Variants in EVL observed in about 807,000 individuals in gnomAD.
EVL encodes ena/VASP-like protein.
EVL carries 21 observed loss-of-function variants against 59.6 expected under a neutral mutation model. The ratio of observed to expected loss-of-function variants is 0.35; its 90% confidence interval spans 0.25 to 0.51. The LOEUF (loss-of-function observed/expected upper bound fraction) is 0.51. Ranked by LOEUF, EVL falls within the 20% of genes least tolerant of loss-of-function variation. EVL has a pLI of 0.97. For missense variants in EVL, 462 were observed against 546.6 expected (o/e 0.85, Z 1.54); for synonymous variants, 198 against 203.5 (o/e 0.97, Z 0.23).
At chr14:100,037,642 A>G (rs565601147) in intron 1 of EVL, among the ~76,000 whole-genome samples, 1 of 152,322 alleles carries the variant, frequency 6.6e-6, no homozygotes, top group African/African-American at 2.4e-5. Flanking sequence ...GAATATTAGA[A>G]CCAAAAAAGT....
At chr14:100,060,971 CAA>C (rs76129316), upstream of EVL, among the ~76,000 whole-genome samples, 10 of 88,386 alleles carry the variant, frequency 1.1e-4, no homozygotes, top group Admixed American at 1.2e-4. Flanking sequence ...TGCTGAAAGA[CAA>C]AAAAAAAAAA....
At position 100,036,810 on chromosome 14, in the gene EVL, G is replaced by A. The variant is rs2061395820; in HGVS notation, c.6-47877G>A. Among the ~76,000 whole-genome samples, 2 of 152,154 alleles carry A rather than the reference G, an allele frequency of 1.3e-5. 1 individual carries two copies. Among genetic ancestry groups the A allele is most frequent in the South Asian group, 4.1e-4 (2 of 4,824 alleles). On this transcript the variant is annotated intron_variant, in intron 1 of 13. Transcript: ENST00000402714. ...AGGGCACTGTTACGGACTAAATTAT[G>A]TCTCCCACAACTCACTGGTTGAAGC...
intron 3 of EVL, among the ~76,000 whole-genome samples, chr14:100,100,240 C>T (rs752501187): frequency 1.3e-5 from 2 of 151,760 alleles, no homozygotes; most frequent in African/African-American, 2.4e-5. Context: ...GAGGCGGGGG[C>T]GGGAGACATC....
chr14:99,973,683 G>A lies in EVL; in HGVS notation c.5+1626G>A, dbSNP rs145236825. 2.5e-3 allele frequency among the ~76,000 whole-genome samples: 379 copies of A among 152,222 alleles called. 4 individuals are homozygous for A. The highest frequency in any genetic ancestry group is 8.0e-3 in the African/African-American group (334 of 41,530). ...TCACCATGTTGGCCAGGCGGGTCTC[G>A]AACTCCTGACCTCAGGTGATCAACC... On this transcript the variant is annotated intron_variant, in intron 1 of 13. Coordinates refer to the EVL transcript ENST00000402714.
intron 3 of EVL, among the ~76,000 whole-genome samples, chr14:100,120,056 G>A (rs912597641): frequency 2.6e-5 from 4 of 152,158 alleles, no homozygotes; most frequent in African/African-American, 9.7e-5. Context: ...AAAAAGGCTG[G>A]GTCAGCAGCT....
At chr14:100,093,248 G>C (rs772547086) in intron 2 of EVL, among the ~76,000 whole-genome samples, 55 of 152,186 alleles carry the variant, frequency 3.6e-4, no homozygotes, top group Non-Finnish European at 5.7e-4. Flanking sequence ...TAATGGTCAT[G>C]TCTCTCTAGC....
chr14:99,976,650 A>T (rs563942361), intron 1 of EVL, among the ~76,000 whole-genome samples: 15 of 152,192 alleles, frequency 9.9e-5, no homozygotes, highest in Non-Finnish European at 1.5e-4. Context: ...ATCTGCTGTT[A>T]TAAGGCACAT....
exon 1 of EVL, chr14:99,971,711 G>T (rs1425423185): frequency 6.8e-6 from 1 of 148,040 alleles, no homozygotes; most frequent in Admixed American, 6.7e-5. Flanking sequence ...ACGCGTTCCC[G>T]CCGCCCGGAC....
intron 1 of EVL, among the ~76,000 whole-genome samples, chr14:100,046,849 T>A (rs1401082313): frequency 6.7e-6 from 1 of 149,886 alleles, no homozygotes; most frequent in Non-Finnish European, 1.5e-5. Flanking sequence ...GCCTCCTGGG[T>A]TCACGCCATT....
At chr14:100,024,273 T>G (rs1318876558) in intron 1 of EVL, among the ~76,000 whole-genome samples, 3 of 152,218 alleles carry the variant, frequency 2.0e-5, no homozygotes, top group Non-Finnish European at 4.4e-5. Flanking sequence ...ACTGGAATAT[T>G]GAAACAAGTC....
intron 1 of EVL, among the ~76,000 whole-genome samples, chr14:100,074,174 G>A (rs2062112105): frequency 6.6e-6 from 1 of 152,160 alleles, no homozygotes; most frequent in East Asian, 1.9e-4. Flanking sequence ...CCGACAGCCT[G>A]CTCCCACTTG....
chr14:100,128,328 T>C (rs1390009076), intron 5 of EVL, among the ~76,000 whole-genome samples, 191 bp from the exon 6 acceptor site: 2 of 152,150 alleles, frequency 1.3e-5, no homozygotes, highest in African/African-American at 4.8e-5. Flanking sequence ...GACACCAGAA[T>C]AGGGAATAAT....
chr14:99,973,748 C>T (rs190539815), intron 1 of EVL, among the ~76,000 whole-genome samples: 1 of 152,282 alleles, frequency 6.6e-6, no homozygotes, highest in East Asian at 1.9e-4. Flanking sequence ...CAGGCATGAG[C>T]CACCGAAAAT....
At chr14:100,034,408 A>G (rs1377211142) in intron 1 of EVL, among the ~76,000 whole-genome samples, 1 of 152,118 alleles carries the variant, frequency 6.6e-6, no homozygotes, top group Non-Finnish European at 1.5e-5. Flanking sequence ...TTTACATTCT[A>G]GAAAACACTG....
At chr14:100,021,439 T>A (rs568049620) in intron 1 of EVL, among the ~76,000 whole-genome samples, 1 of 152,352 alleles carries the variant, frequency 6.6e-6, no homozygotes, top group East Asian at 1.9e-4. Flanking sequence ...TGGATGTGAC[T>A]GCATTTTGTG....
At chr14:100,119,352 G>C (rs1016248237) in intron 3 of EVL, among the ~76,000 whole-genome samples, 3 of 152,318 alleles carry the variant, frequency 2.0e-5, no homozygotes, top group Middle Eastern at 3.4e-3. Context: ...CCCCTGCCTC[G>C]GCAAAATCAG....
At position 99,979,945 on chromosome 14, in the gene EVL, C is replaced by G. The variant is rs1172069997; in HGVS notation, c.5+7888C>G. Among the ~76,000 whole-genome samples, 3 of 152,120 alleles carry G rather than the reference C, an allele frequency of 2.0e-5. No individual in the cohort carries two copies. The South Asian group carries it at 6.2e-4, about 31-fold the overall frequency. On this transcript the variant is annotated intron_variant, in intron 1 of 13. Transcript: ENST00000402714. Reference sequence around the variant, plus strand: ...TACTGAACACGTACTGATATTTTTTCTTGTCATTATCCCCTAAACAATAAA... The same window carrying G: ...TACTGAACACGTACTGATATTTTTTGTTGTCATTATCCCCTAAACAATAAA...
chr14:100,050,361 ATT>A (rs11361997), intron 1 of EVL, among the ~76,000 whole-genome samples: 3 of 82,808 alleles, frequency 3.6e-5, no homozygotes, highest in Non-Finnish European at 9.5e-5. Context: ...TTATTTATTT[ATT>A]TTTTTTTAGA....
At chr14:100,050,742 A>G (rs2061633844) in intron 1 of EVL, among the ~76,000 whole-genome samples, 1 of 111,006 alleles carries the variant, frequency 9.0e-6, no homozygotes, top group African/African-American at 2.9e-5. Flanking sequence ...GTATGAGCTC[A>G]TGATTTTTTT....
Sources: allele counts gnomAD v4.1 joint callset (sites outside exome capture counted in the v4.1 genomes callset), GRCh38; gene constraint gnomAD v4.1.1; transcripts MANE v1.5; gene names NCBI Gene and HGNC (gene_info 2026-07-23, HGNC 2026-07-21).